Variants in NSD2 observed in about 807,000 individuals in gnomAD.
NSD2 encodes nuclear receptor binding SET domain protein 2.
Under a neutral mutation model 139.0 loss-of-function variants are expected in NSD2, and 12 were observed. That is an observed-to-expected ratio of 0.09 (90% CI 0.06 to 0.14). The LOEUF (loss-of-function observed/expected upper bound fraction) is 0.14, where lower values mean the gene tolerates loss of function less well. NSD2 is among the 10% of genes least tolerant of loss of function. The pLI, the probability that NSD2 is intolerant of heterozygous loss-of-function variation, is 1.00. For missense variants in NSD2, 1,155 were observed against 1,745.0 expected, an observed-to-expected ratio of 0.66 and a Z score of 6.02; for synonymous variants, 669 against 648.7, an observed-to-expected ratio of 1.03 and a Z score of -0.48.
chr4:1,942,237 A>G lies in NSD2; in HGVS notation c.1881+2459A>G. 6.5e-7 allele frequency: 1 copy of G among 1,540,384 alleles called. No homozygotes were observed. The highest frequency in any genetic ancestry group is 8.7e-7 in the Non-Finnish European group (1 of 1,146,872). On this transcript the variant is annotated intron_variant, in intron 9 of 21. Coordinates refer to ENST00000508803, the MANE Select transcript of NSD2 (RefSeq NM_001042424.3). This position sits in a 1 kb window ranked among gnomAD's most constrained non-coding sequence, Gnocchi z 4.0. Reference sequence around the variant, plus strand: ...ATTAAAATTACACACTTGCATGACAAAGGCCTGTGAAGGAATTAATGTGAT... The same window carrying G: ...ATTAAAATTACACACTTGCATGACAGAGGCCTGTGAAGGAATTAATGTGAT...
chr4:1,946,839 G>A (rs1034094629), intron 9 of NSD2: 3 of 1,056,822 alleles, frequency 2.8e-6, no homozygotes, highest in African/African-American at 1.7e-5. Context: ...CCAACAGCCC[G>A]ACAGGCCTCA....
At position 1,978,844 on chromosome 4, in the gene NSD2, C is replaced by T. The variant is rs745966514; in HGVS notation, c.4033C>T (p.Pro1345Ser). Residue 1345 changes from proline to serine, a missense_variant, in exon 22 of 22, where the codon CCA becomes TCA. Physicochemically the swap from Pro to Ser is moderately conservative, Grantham distance 74. This residue lies in a region of NSD2 where 132 missense variants were observed against 94.3 expected (regional missense o/e 1.40). Transcript: ENST00000508803. The part of the protein sequence containing the change: ...STKTEKPPPE[P>S]GKPKGKRRRR... ...CAAGACTGAGAAGCCCCCCCCAGAGCCAGGGAAGCCGAAGGGGAAGAGGCG... is the reference window on the plus strand; with the variant it reads ...CAAGACTGAGAAGCCCCCCCCAGAGTCAGGGAAGCCGAAGGGGAAGAGGCG... The T allele has an allele frequency of 2.0e-5, 32 of 1,601,610 alleles. No homozygotes were observed. The highest frequency in any genetic ancestry group is 2.6e-5 in the Non-Finnish European group (30 of 1,171,262).
intron 3 of NSD2, among the ~76,000 whole-genome samples, chr4:1,914,354 C>T (rs1200203563): frequency 6.7e-6 from 1 of 149,566 alleles, no homozygotes; most frequent in African/African-American, 2.5e-5. Flanking sequence ...TGAGATGGAG[C>T]CTTGCTCTGT....
At chr4:1,901,299 G>A (rs773161352) in intron 2 of NSD2, 48 bp downstream of exon 2, 2 of 1,486,356 alleles carry the variant, frequency 1.3e-6, no homozygotes, top group Admixed American at 4.4e-5. Context: ...TGAGCAGTGA[G>A]CATGGCCACC....
chr4:1,946,299 T>C (rs1213269486), intron 9 of NSD2: 4 of 861,714 alleles, frequency 4.6e-6, no homozygotes, highest in Non-Finnish European at 5.6e-6. Flanking sequence ...AGTCTCACCC[T>C]GTTGGCCAGG....
chr4:1,961,769 T>G (rs1410024540), intron 18 of NSD2, among the ~76,000 whole-genome samples: 2 of 152,206 alleles, frequency 1.3e-5, no homozygotes, highest in African/African-American at 4.8e-5. Context: ...GGCGGCTCCT[T>G]CAATGGCCAC....
Position 1,981,426 on chromosome 4 carries a change from T to C in NSD2, c.*2517T>C. 1 of 234,278 alleles carries C rather than the reference T, an allele frequency of 4.3e-6. No individual in the cohort carries two copies. The highest frequency in any genetic ancestry group is 6.0e-5 in the East Asian group (1 of 16,614). The allele number at this position is 234,278 out of a possible 1,614,324, so 14.5% of individuals were successfully genotyped here. Reference sequence around the variant, plus strand: ...ACGTGGTGACTTCCTGAACATCAGCTTCAATCCTCCATCATTAATGTGAAG... The same window carrying C: ...ACGTGGTGACTTCCTGAACATCAGCCTCAATCCTCCATCATTAATGTGAAG... On this transcript the variant is annotated 3_prime_UTR_variant, in exon 22 of 22. Transcript: ENST00000508803.
intron 1 of NSD2, among the ~76,000 whole-genome samples, chr4:1,887,278 C>T (rs957829057): frequency 3.3e-5 from 5 of 152,026 alleles, no homozygotes; most frequent in East Asian, 1.9e-4. Context: ...ATCTGCCAGT[C>T]GTTTTAAATG....
At chr4:1,960,604 G>T (rs1725269247) in intron 17 of NSD2, among the ~76,000 whole-genome samples, 1 of 152,178 alleles carries the variant, frequency 6.6e-6, no homozygotes, top group African/African-American at 2.4e-5. Flanking sequence ...AGCACAAAAG[G>T]TTGCTTAGAA....
Position 1,942,703 on chromosome 4 carries a change from G to T in NSD2, c.1881+2925G>T. 1 of 1,107,368 alleles carries T rather than the reference G, an allele frequency of 9.0e-7. No homozygotes were observed. The highest frequency in any genetic ancestry group is 1.1e-6 in the Non-Finnish European group (1 of 905,038). 68.6% of individuals were successfully genotyped at this position (1,107,368 alleles called of 1,614,324 possible). A position where few individuals can be genotyped will look rare whatever the true frequency, so the allele number is the denominator to read the frequency against. ...GGGGGCTGTCCAGAGCTGCAGCAGGGCTTTGCACGGAAGGGGTGGCCCTGT... is the reference window on the plus strand; with the variant it reads ...GGGGGCTGTCCAGAGCTGCAGCAGGTCTTTGCACGGAAGGGGTGGCCCTGT... On this transcript the variant is annotated intron_variant, in intron 9 of 21. Coordinates refer to ENST00000508803, the MANE Select transcript of NSD2 (RefSeq NM_001042424.3). This position sits in a 1 kb window ranked among gnomAD's most constrained non-coding sequence, Gnocchi z 4.0.
chr4:1,913,740 G>A (rs566707347), intron 3 of NSD2, among the ~76,000 whole-genome samples: 3 of 151,994 alleles, frequency 2.0e-5, no homozygotes, highest in East Asian at 1.9e-4. Context: ...AAATAACAGC[G>A]CAGCCAGACA....
chr4:1,925,492 G>A (rs894933295), intron 5 of NSD2, among the ~76,000 whole-genome samples: 60 of 144,384 alleles, frequency 4.2e-4, no homozygotes, highest in Middle Eastern at 3.5e-3. Flanking sequence ...TCCTCCCCCC[G>A]GGTTCAAGCG....
rs1281027436 is a variant in NSD2 at position 1,955,767 on chromosome 4, G to A, written c.2593G>A (p.Gly865Ser). 4 of 1,614,034 alleles carry A rather than the reference G, an allele frequency of 2.5e-6. No homozygotes were observed. Among genetic ancestry groups the A allele is most frequent in the Non-Finnish European group, 3.4e-6 (4 of 1,180,008 alleles). ...PDCLNIEMPDGSWFCNDCRAG... is the reference protein window; with the variant it reads ...PDCLNIEMPDSSWFCNDCRAG... ...CTGCCTGAACATCGAGATGCCTGAC[G>A]GCAGCTGGTTCTGCAATGACTGCAG... The change falls in exon 14 of 22, where the codon GGC (glycine) becomes AGC (serine). Residue 865 changes from glycine (G) to serine (S), a missense_variant. This residue lies in a region of NSD2 where 139 missense variants were observed against 485.8 expected (regional missense o/e 0.29). Transcript: ENST00000508803. The surrounding 1 kb of genome is among the most constrained non-coding windows in gnomAD (Gnocchi z 4.7).
At chr4:1,978,066 G>A (rs906251681) in intron 21 of NSD2, among the ~76,000 whole-genome samples, 2 of 151,964 alleles carry the variant, frequency 1.3e-5, no homozygotes, top group Admixed American at 6.6e-5. Context: ...GACGGAGGCT[G>A]CAGTGAGCCA....
In NSD2 at chr4:1,981,482, G is replaced by C; in HGVS notation, c.*2573G>C. On this transcript the variant is annotated 3_prime_UTR_variant, in exon 22 of 22. Transcript: ENST00000508803. ...CACAAAAACCGCCCCAATCCCTCAG[G>C]ATTCCTTGGCATCCGAAACCAGCAT... 1 of 248,528 alleles carries C rather than the reference G, an allele frequency of 4.0e-6. No homozygotes were observed. 15.4% of individuals were successfully genotyped at this position (248,528 alleles called of 1,614,324 possible).
At chr4:1,964,726 GC>G (rs1202378997) in intron 18 of NSD2, among the ~76,000 whole-genome samples, 1 of 152,044 alleles carries the variant, frequency 6.6e-6, no homozygotes, top group Non-Finnish European at 1.5e-5. Context: ...AGCACCAATT[GC>G]CCCCCTCTTT....
intron 1 of NSD2, among the ~76,000 whole-genome samples, chr4:1,896,258 C>T (rs1055949407): frequency 2.6e-5 from 4 of 152,236 alleles, no homozygotes; most frequent in Admixed American, 6.5e-5. Flanking sequence ...TTCTGTATTC[C>T]GGCTGCCAAG....
intron 11 of NSD2, chr4:1,952,782 GGAT>G (rs1388931628): frequency 1.8e-6 from 2 of 1,132,140 alleles, no homozygotes; most frequent in Non-Finnish European, 1.1e-6. Context: ...GGGTCTGTGA[GGAT>G]GATGAGAGGA....
intron 2 of NSD2, 70 bp downstream of exon 2, chr4:1,901,321 C>A: frequency 7.5e-7 from 1 of 1,333,538 alleles, no homozygotes; most frequent in Non-Finnish European, 1.0e-6. Context: ...TATGAGGGCA[C>A]CTGCACGAGT....
Sources: allele counts gnomAD v4.1 joint callset (sites outside exome capture counted in the v4.1 genomes callset), GRCh38; gene constraint gnomAD v4.1.1; regional missense constraint gnomAD v4.1.1; non-coding constraint Gnocchi (gnomAD v3.1); transcripts MANE v1.5; gene names NCBI Gene and HGNC (gene_info 2026-07-23, HGNC 2026-07-21).